FAM114A1: variants seen among roughly 807,000 people sequenced by gnomAD.
FAM114A1 encodes the protein protein NOXP20.
In FAM114A1, 62 loss-of-function variants were observed where a neutral mutation model predicts 64.3. That is an observed-to-expected ratio of 0.96 (90% confidence interval 0.79 to 1.19). The LOEUF is 1.19. FAM114A1 is among the 50% of genes most tolerant of loss of function. The probability of loss-of-function intolerance (pLI) is 0.00; values close to 1 mark genes in which losing one functional copy is unlikely to be tolerated. For missense variants in FAM114A1, 645 were observed against 676.3 expected, an observed-to-expected ratio of 0.95 and a Z score of 0.51; for synonymous variants, 254 against 251.1, an observed-to-expected ratio of 1.01 and a Z score of -0.11.
chr4:38,940,124 C>G (rs1721474025), intron 13 of FAM114A1, among the ~76,000 whole-genome samples: 1 of 152,148 alleles, frequency 6.6e-6, no homozygotes, highest in Admixed American at 6.5e-5. Context: ...CTCCTGACCT[C>G]AGGTGATCCA....
At chr4:38,887,851 C>T (rs1033686929) in intron 3 of FAM114A1, among the ~76,000 whole-genome samples, 3 of 152,130 alleles carry the variant, frequency 2.0e-5, no homozygotes, top group Admixed American at 1.3e-4. Context: ...TTTCATCCTC[C>T]CAGCTGTCAT....
intron 8 of FAM114A1, among the ~76,000 whole-genome samples, chr4:38,915,823 C>T (rs984886403): frequency 1.3e-5 from 2 of 149,376 alleles, no homozygotes; most frequent in Non-Finnish European, 3.0e-5. Flanking sequence ...ATGGCACTTA[C>T]ATAGCCACTA....
intron 4 of FAM114A1, among the ~76,000 whole-genome samples, chr4:38,900,704 A>G (rs1447622936): frequency 6.6e-6 from 1 of 152,214 alleles, no homozygotes; most frequent in Non-Finnish European, 1.5e-5. Context: ...AGTCAAAATC[A>G]TAGAGATTTG....
intron 8 of FAM114A1, among the ~76,000 whole-genome samples, chr4:38,918,354 C>T (rs1719271688): frequency 6.6e-6 from 1 of 152,174 alleles, no homozygotes; most frequent in Non-Finnish European, 1.5e-5. Flanking sequence ...GCATTTAGGG[C>T]TTCAGGAACC....
intron 8 of FAM114A1, among the ~76,000 whole-genome samples, chr4:38,920,201 G>C (rs956170604): frequency 1.3e-5 from 2 of 149,802 alleles, no homozygotes; most frequent in African/African-American, 4.9e-5. Flanking sequence ...AATGAGACCC[G>C]TCTCAAAAAA....
At chr4:38,882,318 C>CAA (rs56370212) in intron 3 of FAM114A1, among the ~76,000 whole-genome samples, 1,319 of 47,482 alleles carry the variant, frequency 0.028, 61 homozygotes, top group African/African-American at 0.092. Flanking sequence ...GACTCCGTCT[C>CAA]AAAAAAAAAA....
At position 38,929,223 on chromosome 4, in the gene FAM114A1, T is replaced by C; in HGVS notation, c.1070-19T>C. 1 of 1,576,122 alleles carries C rather than the reference T, an allele frequency of 6.3e-7. No individual in the cohort carries two copies. On this transcript the variant is annotated intron_variant, in intron 9 of 14. Coordinates refer to ENST00000358869, the MANE Select transcript of FAM114A1 (RefSeq NM_138389.4). The stretch of plus-strand genomic sequence containing the variant: ...GATGAAAAATAAATCACGCTTCTTC[T>C]GTCGTGTTCTATTTCTAGGCTTAGA...
chr4:38,873,344 C>T (rs114878034), intron 2 of FAM114A1, among the ~76,000 whole-genome samples: 3,492 of 152,282 alleles, frequency 0.023, 140 homozygotes, highest in Admixed American at 0.088. Flanking sequence ...AATGTCAAGT[C>T]ATTTGGAACC....
At chr4:38,895,669 A>G (rs972180) in intron 4 of FAM114A1, among the ~76,000 whole-genome samples, 10,629 of 152,238 alleles carry the variant, frequency 0.07, 554 homozygotes, top group Admixed American at 0.13. Flanking sequence ...TAACAATGGG[A>G]ATACCTTCTG....
At chr4:38,893,599 C>A (rs761501104) in intron 4 of FAM114A1, among the ~76,000 whole-genome samples, 34 of 152,166 alleles carry the variant, frequency 2.2e-4, no homozygotes, top group Non-Finnish European at 4.1e-4. Context: ...CTGCTCTAGC[C>A]CTGGTTGGTC....
chr4:38,917,651 AC>A (rs967020961), intron 8 of FAM114A1, among the ~76,000 whole-genome samples: 3 of 152,116 alleles, frequency 2.0e-5, no homozygotes, highest in African/African-American at 7.2e-5. Context: ...TGTAAAAAAA[AC>A]ATTACAAGAT....
chr4:38,886,251 A>T (rs1715791073), intron 3 of FAM114A1, among the ~76,000 whole-genome samples: 1 of 150,554 alleles, frequency 6.6e-6, no homozygotes. Context: ...AGCTCACTGC[A>T]ACCTCCGCCT....
At chr4:38,887,904 A>T (rs952070566) in intron 3 of FAM114A1, among the ~76,000 whole-genome samples, 12 of 152,332 alleles carry the variant, frequency 7.9e-5, no homozygotes, top group African/African-American at 2.9e-4. Context: ...AGTTACAAAA[A>T]TTAAAAAGTG....
intron 4 of FAM114A1, among the ~76,000 whole-genome samples, chr4:38,895,918 TC>T (rs1716886325): frequency 6.6e-6 from 1 of 152,302 alleles, no homozygotes; most frequent in East Asian, 1.9e-4. Flanking sequence ...GGGACCACTG[TC>T]ATAGATGTGG....
chr4:38,918,854 T>C lies in FAM114A1; in HGVS notation c.945+3781T>C, dbSNP rs1719318435. ...CACTGCCTATGGTCTAAGGTAGATG[T>C]AAAACCGGGTGAGCTGGCTGGGCAC... On this transcript the variant is annotated intron_variant, in intron 8 of 14. Coordinates refer to ENST00000358869, the MANE Select transcript of FAM114A1 (RefSeq NM_138389.4). Among the ~76,000 whole-genome samples the C allele has an allele frequency of 2.0e-5, 3 of 151,832 alleles. No individual in the cohort carries two copies. In the South Asian group the frequency reaches 6.2e-4, roughly 32 times the overall value.
chr4:38,897,834 C>A (rs1305961552), intron 4 of FAM114A1, among the ~76,000 whole-genome samples: 1 of 151,484 alleles, frequency 6.6e-6, no homozygotes, highest in African/African-American at 2.4e-5. Context: ...GTAGTACCAG[C>A]TGCTTGGAGG....
At chr4:38,907,927 G>A (rs1027076400) in intron 6 of FAM114A1, among the ~76,000 whole-genome samples, 1 of 152,100 alleles carries the variant, frequency 6.6e-6, no homozygotes, top group Non-Finnish European at 1.5e-5. Context: ...TTTAAAAAAA[G>A]CAACAATGAC....
intron 7 of FAM114A1, among the ~76,000 whole-genome samples, chr4:38,911,877 T>C (rs1209501317): frequency 7.0e-6 from 1 of 142,456 alleles, no homozygotes; most frequent in African/African-American, 2.6e-5. Context: ...TTTTTTTTTT[T>C]TGAGACAGAG....
chr4:38,925,531 C>G (rs10032329), intron 9 of FAM114A1, among the ~76,000 whole-genome samples: 3,371 of 152,178 alleles, frequency 0.022, 119 homozygotes, highest in African/African-American at 0.078. Context: ...TTCCTAAAAG[C>G]CCCCTAACAA....
Sources: allele counts gnomAD v4.1 joint callset (sites outside exome capture counted in the v4.1 genomes callset), GRCh38; gene constraint gnomAD v4.1.1; transcripts MANE v1.5; gene names NCBI Gene and HGNC (gene_info 2026-07-23, HGNC 2026-07-21).